GRID2: variants seen among roughly 807,000 people sequenced by gnomAD.
GRID2 encodes glutamate receptor ionotropic, delta-2.
A neutral mutation model predicts 114.8 loss-of-function variants in GRID2; 33 were observed. That is an observed-to-expected ratio of 0.29 (90% CI 0.22 to 0.38). The LOEUF is 0.38. Among genes scored for constraint, GRID2 ranks in the 10% least tolerant of loss-of-function variants. GRID2 has a pLI of 1.00. For synonymous variants in GRID2, 505 were observed against 449.9 expected (o/e 1.12, Z -1.55); for missense variants, 1,184 against 1,257.7 (o/e 0.94, Z 0.89).
At chr4:92,818,816 C>T (rs542651610) in intron 2 of GRID2, among the ~76,000 whole-genome samples, 46 of 152,130 alleles carry the variant, frequency 3.0e-4, no homozygotes, top group African/African-American at 1.0e-3. Flanking sequence ...GGACAACTAC[C>T]CTTTTGCAAT....
chr4:92,919,560 C>T (rs1188582923), intron 2 of GRID2, among the ~76,000 whole-genome samples: 1 of 152,124 alleles, frequency 6.6e-6, no homozygotes, highest in Non-Finnish European at 1.5e-5. Flanking sequence ...TGTCTTTGTT[C>T]TCATTGGTTT....
chr4:93,037,219 A>C (rs2149264153), intron 2 of GRID2, among the ~76,000 whole-genome samples: 1 of 152,340 alleles, frequency 6.6e-6, no homozygotes, highest in African/African-American at 2.4e-5. Flanking sequence ...CTATTACCTT[A>C]AATTCCAAAA....
Position 92,914,674 on chromosome 4 carries a change from G to A in GRID2, c.245-170321G>A, listed in dbSNP as rs150818730. ...TTGTAAGTGTGAACATGCAGTATTT[G>A]ATTTTCTGTTCCTATATTAGTTTGC... is the stretch of plus-strand genomic sequence containing the variant. On this transcript the variant is annotated intron_variant, in intron 2 of 15. Coordinates refer to ENST00000282020, the MANE Select transcript of GRID2 (RefSeq NM_001510.4). Among the ~76,000 whole-genome samples the A allele has an allele frequency of 2.4e-3, 362 of 152,138 alleles. 2 individuals carry two copies. Among genetic ancestry groups the A allele is most frequent in the African/African-American group, 8.2e-3 (341 of 41,538 alleles).
rs147376518 is a variant in GRID2, at chr4:93,733,957, T to G, written c.2361-35253T>G. 4.9e-3 allele frequency among the ~76,000 whole-genome samples: 743 copies of G among 152,176 alleles called. 9 individuals are homozygous for G. The highest frequency in any genetic ancestry group is 6.6e-3 in the Non-Finnish European group (451 of 67,932). On this transcript the variant is annotated intron_variant, in intron 14 of 15. Transcript: ENST00000282020. ...ATTTTTACCTTGCCCAAAACCTGCT[T>G]TTTTAAAACTCTTCTTAAATGTATC...
At chr4:93,363,331 T>C (rs1300666983) in intron 8 of GRID2, among the ~76,000 whole-genome samples, 1 of 152,200 alleles carries the variant, frequency 6.6e-6, no homozygotes, top group African/African-American at 2.4e-5. Context: ...GGAGCCTGTC[T>C]TTCCTTACAT....
intron 13 of GRID2, among the ~76,000 whole-genome samples, chr4:93,600,943 C>A (rs1739613674): frequency 6.6e-6 from 1 of 152,262 alleles, no homozygotes; most frequent in East Asian, 1.9e-4. Context: ...GATATCATTT[C>A]TATGAAGCTC....
intron 4 of GRID2, among the ~76,000 whole-genome samples, chr4:93,200,545 G>A (rs1021561076): frequency 2.7e-5 from 4 of 149,198 alleles, no homozygotes; most frequent in Admixed American, 6.7e-5. Flanking sequence ...CAGCCTGGGC[G>A]ACAGAGCGAG....
chr4:92,806,817 CAAAG>C (rs950038455), intron 2 of GRID2, among the ~76,000 whole-genome samples: 7 of 151,460 alleles, frequency 4.6e-5, no homozygotes, highest in East Asian at 1.9e-4. Context: ...ATGATTAACT[CAAAG>C]AAAGTTATCA....
intron 8 of GRID2, among the ~76,000 whole-genome samples, chr4:93,300,234 G>A (rs1282804847): frequency 1.3e-5 from 2 of 152,002 alleles, no homozygotes; most frequent in Non-Finnish European, 2.9e-5. Context: ...GTACTCCCAT[G>A]CCTGGCATAT....
chr4:92,769,939 C>T (rs1738457813), intron 2 of GRID2, among the ~76,000 whole-genome samples: 1 of 152,236 alleles, frequency 6.6e-6, no homozygotes, highest in African/African-American at 2.4e-5. Context: ...CATTTGGCTT[C>T]TCATTACTTA....
In GRID2 at chr4:93,147,099, G is replaced by A. The variant is rs116249682; in HGVS notation, c.735+36146G>A. Among the ~76,000 whole-genome samples the A allele has an allele frequency of 1.5e-3, 230 of 152,026 alleles. 1 individual carries two copies. Among genetic ancestry groups the A allele is most frequent in the Non-Finnish European group, 2.5e-3 (168 of 67,974 alleles). The stretch of plus-strand genomic sequence containing the variant: ...AATGAAATTTGATGAATTTTTTAAC[G>A]TACTTATAAGAGATCAAGTGGAATT... On this transcript the variant is annotated intron_variant, in intron 4 of 15. Coordinates refer to ENST00000282020, the MANE Select transcript of GRID2 (RefSeq NM_001510.4).
chr4:93,276,374 T>C (rs1752061465), intron 8 of GRID2, among the ~76,000 whole-genome samples: 1 of 152,010 alleles, frequency 6.6e-6, no homozygotes, highest in Non-Finnish European at 1.5e-5. Context: ...TTTGAAATCA[T>C]AATGTGTGAG....
rs144065680 is a variant in GRID2 at position 93,578,140 on chromosome 4, T to C, written c.2194-48129T>C. On this transcript the variant is annotated intron_variant, in intron 13 of 15. Coordinates refer to ENST00000282020, the MANE Select transcript of GRID2 (RefSeq NM_001510.4). ...TTCCGTGGTTTCATCTTAGCTACCA[T>C]AGCAACACTAACAGTGCTATTCCAC... 4.0e-3 allele frequency among the ~76,000 whole-genome samples: 610 copies of C among 152,296 alleles called. 1 individual carries two copies. The highest frequency in any genetic ancestry group is 0.017 in the Middle Eastern group (5 of 294).
At chr4:93,554,908 C>T (rs11942854) in intron 13 of GRID2, among the ~76,000 whole-genome samples, 19,952 of 152,028 alleles carry the variant, frequency 0.13, 2,505 homozygotes, top group African/African-American at 0.33. Context: ...CTGAGGTACT[C>T]GGCTCATATC....
chr4:93,401,110 G>A (rs904330139), intron 9 of GRID2, among the ~76,000 whole-genome samples: 7 of 152,168 alleles, frequency 4.6e-5, no homozygotes, highest in Admixed American at 1.3e-4. Context: ...ATGAGCCACC[G>A]CACCCATCCA....
intron 2 of GRID2, among the ~76,000 whole-genome samples, chr4:92,606,462 G>C (rs1002146832): frequency 2.6e-5 from 4 of 151,958 alleles, no homozygotes; most frequent in African/African-American, 9.7e-5. Context: ...ATGTTTCAGT[G>C]AGAGGAAGAA....
At chr4:92,366,037 G>C (rs1277143758) in intron 1 of GRID2, among the ~76,000 whole-genome samples, 1 of 152,050 alleles carries the variant, frequency 6.6e-6, no homozygotes, top group Non-Finnish European at 1.5e-5. Context: ...CTACTGTTAT[G>C]TATTATTACT....
chr4:93,296,257 C>T lies in GRID2; in HGVS notation c.1245+57767C>T, dbSNP rs570996613. On this transcript the variant is annotated intron_variant, in intron 8 of 15. Transcript: ENST00000282020. Reference sequence around the variant, plus strand: ...CTTGTGTATATCAAATCTCATCTACCTCCCTCTAATAAGGAAATGTGATTG... The same window carrying T: ...CTTGTGTATATCAAATCTCATCTACTTCCCTCTAATAAGGAAATGTGATTG... Among the ~76,000 whole-genome samples the T allele has an allele frequency of 2.6e-5, 4 of 152,262 alleles. No individual in the cohort carries two copies. In the South Asian group the frequency reaches 6.2e-4, roughly 24 times the overall value.
intron 1 of GRID2, among the ~76,000 whole-genome samples, chr4:92,562,672 T>C (rs1727152524): frequency 6.6e-6 from 1 of 152,130 alleles, no homozygotes. Flanking sequence ...AGATGGGCAA[T>C]GAGTATCATG....
Sources: allele counts gnomAD v4.1 joint callset (sites outside exome capture counted in the v4.1 genomes callset), GRCh38; gene constraint gnomAD v4.1.1; transcripts MANE v1.5; gene names NCBI Gene and HGNC (gene_info 2026-07-23, HGNC 2026-07-21).